The following RAD51B variants were observed in gnomAD, a reference collection of about 807,000 sequenced individuals.
The protein encoded by RAD51B is RAD51 paralog B.
A neutral mutation model predicts 42.2 loss-of-function variants in RAD51B; 38 were observed. The ratio of observed to expected loss-of-function variants is 0.90; its 90% CI spans 0.70 to 1.18. The LOEUF is 1.18. Ranked by LOEUF, RAD51B falls within the 50% of genes most tolerant of loss-of-function variation. The pLI is 0.00. For synonymous variants in RAD51B, 154 were observed against 145.2 expected, an observed-to-expected ratio of 1.06 and a Z score of -0.43; for missense variants, 373 against 400.7, an observed-to-expected ratio of 0.93 and a Z score of 0.59.
chr14:68,109,465 A>G (rs2077427239), intron 7 of RAD51B, among the ~76,000 whole-genome samples: 1 of 152,090 alleles, frequency 6.6e-6, no homozygotes, highest in Non-Finnish European at 1.5e-5. Context: ...AACAGGAAGC[A>G]AAGTTTTCTG....
At position 68,075,359 on chromosome 14, in the gene RAD51B, C is replaced by T. The variant is rs35911429; in HGVS notation, c.756+188155C>T. Among the ~76,000 whole-genome samples the T allele has an allele frequency of 1.1e-3, 169 of 152,260 alleles. 1 individual carries two copies. Among genetic ancestry groups the T allele is most frequent in the African/African-American group, 3.6e-3 (148 of 41,558 alleles). ...GGTAGTACCACTGCAGTGGTACTGG[C>T]AGAGGGGCTTTCAGTTGCCTCTGGG... On this transcript the variant is annotated intron_variant, in intron 7 of 10. Transcript: ENST00000471583.
intron 10 of RAD51B, among the ~76,000 whole-genome samples, chr14:68,574,657 G>A (rs191061890): frequency 2.0e-4 from 31 of 152,342 alleles, no homozygotes; most frequent in Admixed American, 7.8e-4. Flanking sequence ...GGCCAGCGAA[G>A]CAGAAATGTA....
intron 7 of RAD51B, among the ~76,000 whole-genome samples, chr14:68,268,637 T>A (rs1178745864): frequency 1.3e-5 from 2 of 152,250 alleles, no homozygotes. Context: ...TAGCTCTATC[T>A]CTAAATATCT....
At chr14:68,303,141 A>C (rs1398370044) in intron 8 of RAD51B, among the ~76,000 whole-genome samples, 1 of 152,242 alleles carries the variant, frequency 6.6e-6, no homozygotes, top group Non-Finnish European at 1.5e-5. Context: ...CCATGCAGCC[A>C]TAAAAAAGGA....
intron 11 of RAD51B, among the ~76,000 whole-genome samples, chr14:68,682,563 T>C (rs76615693): frequency 0.089 from 13,511 of 152,266 alleles, 752 homozygotes; most frequent in Middle Eastern, 0.19. Context: ...AAAATTGTCA[T>C]AGATTACGAA....
At chr14:68,682,917 T>G (rs1254704224) in intron 11 of RAD51B, 1 of 726,266 alleles carries the variant, frequency 1.4e-6, no homozygotes, top group Non-Finnish European at 1.6e-6. Context: ...TGGCTTTTTT[T>G]TTTTTTTTTT....
At chr14:68,336,398 T>A (rs1448792542) in intron 8 of RAD51B, among the ~76,000 whole-genome samples, 1 of 152,242 alleles carries the variant, frequency 6.6e-6, no homozygotes, top group East Asian at 1.9e-4. Flanking sequence ...ATGATTATAT[T>A]TCCTTTTCAT....
chr14:68,275,156 C>T (rs190111283), intron 7 of RAD51B, among the ~76,000 whole-genome samples: 7 of 152,116 alleles, frequency 4.6e-5, no homozygotes, highest in African/African-American at 1.7e-4. Flanking sequence ...GCAGTTCTGT[C>T]CTGTGCCAGT....
intron 8 of RAD51B, among the ~76,000 whole-genome samples, chr14:68,337,317 G>A (rs2082476542): frequency 6.6e-6 from 1 of 152,188 alleles, no homozygotes; most frequent in Non-Finnish European, 1.5e-5. Context: ...TAAAGCTGCA[G>A]TGGATAGTTT....
chr14:67,910,363 G>A (rs201591650), intron 7 of RAD51B, among the ~76,000 whole-genome samples: 4 of 61,234 alleles, frequency 6.5e-5, no homozygotes, highest in Admixed American at 2.2e-4. Flanking sequence ...CCGAGATCGC[G>A]CCACTGCACT....
intron 7 of RAD51B, among the ~76,000 whole-genome samples, chr14:68,161,291 C>T (rs913168299): frequency 5.9e-5 from 9 of 152,086 alleles, no homozygotes; most frequent in African/African-American, 9.7e-5. Context: ...ACTGGGTTGG[C>T]TTTATTATTA....
chr14:67,825,374 A>T, intron 2 of RAD51B, 90 bp from the exon 3 acceptor site: 1 of 795,164 alleles, frequency 1.3e-6, no homozygotes, highest in Non-Finnish European at 2.0e-6. Flanking sequence ...ACTTTTGTCT[A>T]CATAAGCAGT....
At chr14:68,103,023 T>C (rs186803641) in intron 7 of RAD51B, among the ~76,000 whole-genome samples, 3 of 152,210 alleles carry the variant, frequency 2.0e-5, no homozygotes, top group East Asian at 3.9e-4. Flanking sequence ...CATCAGATCA[T>C]GTGAGAACTC....
intron 7 of RAD51B, among the ~76,000 whole-genome samples, chr14:68,154,130 T>C (rs1282335373): frequency 2.0e-5 from 3 of 152,252 alleles, no homozygotes; most frequent in African/African-American, 7.2e-5. Context: ...GCATGCCTGG[T>C]TATCTTTGAT....
chr14:68,301,091 G>A (rs923731279), intron 8 of RAD51B, among the ~76,000 whole-genome samples: 16 of 152,212 alleles, frequency 1.1e-4, no homozygotes, highest in African/African-American at 2.2e-4. Context: ...GGAGGTTCCC[G>A]TCTTTAATAG....
intron 10 of RAD51B, among the ~76,000 whole-genome samples, chr14:68,610,409 T>C (rs140893378): frequency 8.5e-5 from 13 of 152,330 alleles, no homozygotes; most frequent in African/African-American, 3.1e-4. Flanking sequence ...GGTCTCCCTG[T>C]CCTTGGACAC....
At chr14:67,945,871 T>G (rs1374854551) in intron 7 of RAD51B, among the ~76,000 whole-genome samples, 2 of 152,206 alleles carry the variant, frequency 1.3e-5, no homozygotes, top group African/African-American at 4.8e-5. Flanking sequence ...TTAGAATTAT[T>G]CTGGGAAGAA....
At chr14:67,943,000 T>C (rs905596932) in intron 7 of RAD51B, among the ~76,000 whole-genome samples, 1 of 152,100 alleles carries the variant, frequency 6.6e-6, no homozygotes. Context: ...CTGTTTTGAA[T>C]TTTGAAACAG....
At chr14:68,230,173 G>A (rs1046455175) in intron 7 of RAD51B, among the ~76,000 whole-genome samples, 3 of 152,168 alleles carry the variant, frequency 2.0e-5, no homozygotes, top group Non-Finnish European at 4.4e-5. Flanking sequence ...TTCTCATTCA[G>A]TGTAATGTGG....
Sources: gnomAD v4.1 joint callset for allele counts (sites outside exome capture counted in the v4.1 genomes callset) on GRCh38, gnomAD v4.1.1 for gene constraint, MANE v1.5 for transcripts, NCBI Gene and HGNC (gene_info 2026-07-23, HGNC 2026-07-21) for gene names.